Variants in RGS5 observed in about 807,000 individuals in gnomAD.
The protein encoded by RGS5 is regulator of G protein signaling 5, also known as regulator of G-protein signalling 5.
RGS5 carries 20 observed loss-of-function variants against 18.9 expected under a neutral mutation model. That is an observed-to-expected ratio of 1.06 (90% CI 0.74 to 1.54). The LOEUF is 1.54. Ranked by LOEUF, RGS5 falls within the 40% of genes most tolerant of loss-of-function variation. The probability of loss-of-function intolerance (pLI) is 0.00; values close to 1 mark genes in which losing one functional copy is unlikely to be tolerated. For synonymous variants in RGS5, 57 were observed against 76.2 expected, an observed-to-expected ratio of 0.75 and a Z score of 1.31; for missense variants, 201 against 211.8, an observed-to-expected ratio of 0.95 and a Z score of 0.32.
chr1:163,210,693 C>A (rs527432054), intron 1 of RGS5: 2 of 152,342 alleles, frequency 1.3e-5, no homozygotes, highest in Admixed American at 1.3e-4. Flanking sequence ...GCCTTACACA[C>A]AATGAGCACT....
intron 1 of RGS5, among the ~76,000 whole-genome samples, chr1:163,188,882 G>A (rs1364183568): frequency 7.0e-6 from 1 of 143,080 alleles, no homozygotes; most frequent in Non-Finnish European, 1.5e-5. Flanking sequence ...AAACCTGGGA[G>A]ACAGAGGTTG....
At chr1:163,181,704 G>A (rs1377673247) in intron 1 of RGS5, among the ~76,000 whole-genome samples, 1 of 152,038 alleles carries the variant, frequency 6.6e-6, no homozygotes, top group Admixed American at 6.5e-5. Flanking sequence ...TTGAGGATGG[G>A]TGCCTTGTCT....
chr1:163,213,180 T>A (rs1363204354), intron 1 of RGS5, among the ~76,000 whole-genome samples: 11 of 152,158 alleles, frequency 7.2e-5, no homozygotes, highest in African/African-American at 2.4e-4. Flanking sequence ...ACTCATGTCC[T>A]GGATATAACA....
At chr1:163,305,717 G>A (rs1326354029) in intron 2 of RGS5, among the ~76,000 whole-genome samples, 2 of 152,152 alleles carry the variant, frequency 1.3e-5, no homozygotes, top group Admixed American at 6.5e-5. Flanking sequence ...TGGGCCTGCA[G>A]GTTCTACAGA....
rs529221168 is a variant in RGS5 at position 163,187,379 on chromosome 1, C to T, written c.44+15413G>A. ...TATGATATACATTGGTTTTCGTCCA[C>T]AGTTCCTGGTTCATAACTCCCTCAG... On this transcript the variant is annotated intron_variant, in intron 1 of 4. Coordinates refer to ENST00000313961, the MANE Select transcript of RGS5 (RefSeq NM_003617.4). Among the ~76,000 whole-genome samples, 27 of 152,306 alleles carry T rather than the reference C, an allele frequency of 1.8e-4. No homozygotes were observed. In the Middle Eastern group the frequency reaches 0.01, roughly 58 times the overall value.
chr1:163,163,204 C>T (rs1657886240), intron 2 of RGS5, among the ~76,000 whole-genome samples: 1 of 152,010 alleles, frequency 6.6e-6, no homozygotes, highest in Non-Finnish European at 1.5e-5. Context: ...GTGAATAATC[C>T]CTTTACTTCT....
intron 1 of RGS5, chr1:163,172,673 G>A (rs1186488665): frequency 1.4e-5 from 20 of 1,467,206 alleles, no homozygotes; most frequent in Admixed American, 2.1e-5. Context: ...CTTGGTATAG[G>A]CTCAAGTATA....
intron 1 of RGS5, among the ~76,000 whole-genome samples, chr1:163,175,127 C>A (rs912152834): frequency 6.6e-6 from 1 of 151,990 alleles, no homozygotes; most frequent in Non-Finnish European, 1.5e-5. Flanking sequence ...GAATAGATAC[C>A]CAGGAAAGAG....
chr1:163,300,119 G>A (rs550712961), intron 2 of RGS5, among the ~76,000 whole-genome samples: 1 of 152,194 alleles, frequency 6.6e-6, no homozygotes, highest in Non-Finnish European at 1.5e-5. Context: ...GCAGAAAGAT[G>A]AGCAGAAAAG....
At chr1:163,247,773 G>C (rs1420484844) in intron 2 of RGS5, among the ~76,000 whole-genome samples, 1 of 151,872 alleles carries the variant, frequency 6.6e-6, no homozygotes, top group Non-Finnish European at 1.5e-5. Context: ...TTCTCTCATA[G>C]AGCCACCAAT....
chr1:163,225,562 T>C (rs867357564), intron 2 of RGS5, among the ~76,000 whole-genome samples: 2 of 152,106 alleles, frequency 1.3e-5, no homozygotes, highest in Non-Finnish European at 2.9e-5. Context: ...CTTGAAGTGC[T>C]AGAATACACC....
chr1:163,166,243 G>A (rs964015239), intron 2 of RGS5, among the ~76,000 whole-genome samples: 1 of 126,940 alleles, frequency 7.9e-6, no homozygotes, highest in African/African-American at 3.0e-5. Context: ...GTCTTTAGGG[G>A]GTAGGAATAT....
At chr1:163,297,788 C>T (rs1029520933) in intron 2 of RGS5, among the ~76,000 whole-genome samples, 1 of 151,944 alleles carries the variant, frequency 6.6e-6, no homozygotes, top group Non-Finnish European at 1.5e-5. Flanking sequence ...TCTACAAGAA[C>T]AAGAAACAAA....
intron 1 of RGS5, among the ~76,000 whole-genome samples, chr1:163,198,081 C>T (rs1659640472): frequency 6.6e-6 from 1 of 151,792 alleles, no homozygotes; most frequent in African/African-American, 2.4e-5. Context: ...TCTAAATTGT[C>T]CACACTTGAC....
Position 163,202,854 on chromosome 1 carries a change from T to A in RGS5, c.-19A>T. 1 of 1,612,790 alleles carries A rather than the reference T, an allele frequency of 6.2e-7. No individual in the cohort carries two copies. The highest frequency in any genetic ancestry group is 8.5e-7 in the Non-Finnish European group (1 of 1,179,140). On this transcript the variant is annotated 5_prime_UTR_variant, in exon 1 of 5. Transcript: ENST00000313961. ...TGCACATTTTGGCAGGTGGCTTAGC[T>A]CCTCCGCTTTAAGTACAACTTCTTA... is the stretch of plus-strand genomic sequence containing the variant.
At chr1:163,286,964 G>A (rs759777849) in intron 2 of RGS5, among the ~76,000 whole-genome samples, 83 of 152,268 alleles carry the variant, frequency 5.5e-4, no homozygotes, top group Non-Finnish European at 9.3e-4. Flanking sequence ...CAAAGTGTGT[G>A]AAGTGGGGTC....
chr1:163,301,639 G>A (rs1186073135), intron 2 of RGS5, among the ~76,000 whole-genome samples: 2 of 152,082 alleles, frequency 1.3e-5, no homozygotes, highest in Non-Finnish European at 2.9e-5. Context: ...GGCCCAGAAT[G>A]AGTCTTTATA....
chr1:163,321,457 C>T (rs997897446), intron 1 of RGS5: 1 of 152,204 alleles, frequency 6.6e-6, no homozygotes, highest in Non-Finnish European at 1.5e-5. Context: ...GAACTGCATT[C>T]TCTGATTCAG....
At chr1:163,182,578 A>G (rs1557894188) in intron 1 of RGS5, among the ~76,000 whole-genome samples, 1 of 152,172 alleles carries the variant, frequency 6.6e-6, no homozygotes, top group Non-Finnish European at 1.5e-5. Flanking sequence ...GACCAACAAG[A>G]CAGAAACAGT....
Sources: gnomAD v4.1 joint callset for allele counts (sites outside exome capture counted in the v4.1 genomes callset) on GRCh38, gnomAD v4.1.1 for gene constraint, MANE v1.5 for transcripts, NCBI Gene and HGNC (gene_info 2026-07-23, HGNC 2026-07-21) for gene names.